The following DNM2 variants were observed in gnomAD, a reference collection of about 807,000 sequenced individuals.
DNM2 encodes dynamin 2.
DNM2 carries 15 observed loss-of-function variants against 99.0 expected under a neutral mutation model. The observed-to-expected ratio is 0.15, with a 90% CI of 0.10 to 0.23. DNM2 has a LOEUF of 0.23. Among genes scored for constraint, DNM2 ranks in the 10% least tolerant of loss-of-function variants. DNM2 has a pLI of 1.00. For missense variants in DNM2, 742 were observed against 1,189.4 expected (o/e 0.62, Z 5.53); for synonymous variants, 525 against 481.2 (o/e 1.09, Z -1.19).
At position 10,732,423 on chromosome 19, in the gene DNM2, A is replaced by ACCCC. The variant is rs948911237; in HGVS notation, c.161+14021_161+14024dup. Among the ~76,000 whole-genome samples, 42 of 150,040 alleles carry ACCCC rather than the reference A, an allele frequency of 2.8e-4. 1 individual carries two copies. Among genetic ancestry groups the ACCCC allele is most frequent in the Admixed American group, 2.0e-4 (3 of 15,052 alleles). ...AGACCATCCTGACTAACACGGTGAA[A>ACCCC]CCCCACCTCTACTAAAAATACAAAG... On this transcript the variant is annotated intron_variant, in intron 1 of 20. Coordinates refer to ENST00000389253, the MANE Select transcript of DNM2 (RefSeq NM_001005361.3).
rs886054139 is a variant in DNM2, at chr19:10,718,121, G to A, written c.-122G>A. 2 of 1,125,550 alleles carry A rather than the reference G, an allele frequency of 1.8e-6. No individual in the cohort carries two copies. The highest frequency in any genetic ancestry group is 3.5e-5 in the East Asian group (1 of 28,850). 69.7% of individuals were successfully genotyped at this position (1,125,550 alleles called of 1,614,324 possible). ...GCGACCGTGAGGCCGAGCCGGGAGC[G>A]GGCGTCTTGCCGAGGCCCGGGCGGG... On this transcript the variant is annotated 5_prime_UTR_variant, in exon 1 of 21. Transcript: ENST00000389253.
chr19:10,721,362 G>A (rs1599409695), intron 1 of DNM2, among the ~76,000 whole-genome samples: 1 of 152,082 alleles, frequency 6.6e-6, no homozygotes, highest in African/African-American at 2.4e-5. Flanking sequence ...TCACCATGTT[G>A]GCCAGGCTGG....
At position 10,783,696 on chromosome 19, in the gene DNM2, A is replaced by ATTT. The variant is rs1373476449; in HGVS notation, c.849+578_849+579insTTT. On this transcript the variant is annotated intron_variant, in intron 6 of 20. Transcript: ENST00000389253. ...TTTATTTATTATTATTATTATTATT[A>ATTT]TTATTATTATTTTTTATTTTTGGAG... Among the ~76,000 whole-genome samples, 361 of 134,432 alleles carry ATTT rather than the reference A, an allele frequency of 2.7e-3. 3 individuals carry two copies. The highest frequency in any genetic ancestry group is 8.5e-3 in the African/African-American group (320 of 37,776). The allele number at this position is 134,432 out of a possible 152,430, so 88.2% of individuals were successfully genotyped here.
intron 6 of DNM2, chr19:10,786,318 T>C: frequency 1.7e-6 from 1 of 597,252 alleles, no homozygotes; most frequent in Non-Finnish European, 3.0e-6. Flanking sequence ...ATAGGCCCAG[T>C]GCCTGATGTC....
At chr19:10,719,448 G>A (rs1231695598) in intron 1 of DNM2, among the ~76,000 whole-genome samples, 1 of 152,124 alleles carries the variant, frequency 6.6e-6, no homozygotes, top group Non-Finnish European at 1.5e-5. Flanking sequence ...AGTGGCTAGC[G>A]CTGGGATGTA....
At chr19:10,720,162 C>CT (rs1413944177) in intron 1 of DNM2, among the ~76,000 whole-genome samples, 3 of 151,634 alleles carry the variant, frequency 2.0e-5, no homozygotes, top group Non-Finnish European at 4.4e-5. Flanking sequence ...CTTGGCCTCT[C>CT]TAAGTCTTGG....
At chr19:10,828,161 C>T (rs1267348974) in intron 18 of DNM2, among the ~76,000 whole-genome samples, 2 of 152,034 alleles carry the variant, frequency 1.3e-5, no homozygotes, top group Non-Finnish European at 2.9e-5. Flanking sequence ...TTGGGGGGCA[C>T]GCCTGTAGTC....
intron 2 of DNM2, among the ~76,000 whole-genome samples, chr19:10,766,343 T>C (rs1485601539): frequency 6.6e-6 from 1 of 152,092 alleles, no homozygotes; most frequent in Non-Finnish European, 1.5e-5. Flanking sequence ...AACAGGAGGC[T>C]CCGAAGACCT....
intron 1 of DNM2, among the ~76,000 whole-genome samples, chr19:10,732,595 G>A (rs956325592): frequency 2.0e-5 from 3 of 151,590 alleles, no homozygotes; most frequent in African/African-American, 7.3e-5. Flanking sequence ...GCGAGACTCC[G>A]TCTCAAAAAA....
At chr19:10,784,819 A>ATTTTTTTTTTTTTTT (rs35575438) in intron 6 of DNM2, among the ~76,000 whole-genome samples, 1 of 99,464 alleles carries the variant, frequency 1.0e-5, no homozygotes. Context: ...TTTTTTGATG[A>ATTTTTTTTTTTTTTT]TTTTTTTTTT....
chr19:10,720,522 C>A (rs142833785), intron 1 of DNM2, among the ~76,000 whole-genome samples: 1 of 151,912 alleles, frequency 6.6e-6, no homozygotes, highest in Non-Finnish European at 1.5e-5. Context: ...CCCAGGAGTT[C>A]CAAGACCAGC....
chr19:10,787,332 G>A (rs536597740), intron 7 of DNM2, among the ~76,000 whole-genome samples: 42 of 152,192 alleles, frequency 2.8e-4, no homozygotes, highest in African/African-American at 8.2e-4. Flanking sequence ...CTAGCCAGGC[G>A]TGGTGGTGGG....
chr19:10,747,865 G>A (rs1431199500), intron 1 of DNM2, among the ~76,000 whole-genome samples: 1 of 152,100 alleles, frequency 6.6e-6, no homozygotes, highest in East Asian at 1.9e-4. Context: ...GCTTCCTATG[G>A]CGGGGGGAGG....
intron 1 of DNM2, among the ~76,000 whole-genome samples, chr19:10,740,860 A>G (rs994785713): frequency 5.9e-5 from 9 of 152,098 alleles, no homozygotes; most frequent in Non-Finnish European, 1.2e-4. Context: ...GTTCATTTCT[A>G]TATATTTGAG....
intron 3 of DNM2, among the ~76,000 whole-genome samples, chr19:10,773,449 ATTTT>A (rs71164121): frequency 8.0e-6 from 1 of 124,412 alleles, no homozygotes; most frequent in Non-Finnish European, 1.7e-5. Context: ...GCCCGGCCAA[ATTTT>A]TTTTTTTTTT....
intron 10 of DNM2, among the ~76,000 whole-genome samples, chr19:10,797,745 C>T (rs1054672202): frequency 3.9e-5 from 6 of 152,168 alleles, no homozygotes; most frequent in Non-Finnish European, 7.4e-5. Flanking sequence ...TGTTGCCAAA[C>T]GCATTGCATT....
At chr19:10,745,382 A>G (rs1247902157) in intron 1 of DNM2, among the ~76,000 whole-genome samples, 1 of 152,206 alleles carries the variant, frequency 6.6e-6, no homozygotes, top group Non-Finnish European at 1.5e-5. Context: ...GTGCTGGGGA[A>G]AGGGCGCTTA....
intron 6 of DNM2, among the ~76,000 whole-genome samples, chr19:10,784,097 G>A (rs961607638): frequency 6.6e-6 from 1 of 152,154 alleles, no homozygotes; most frequent in African/African-American, 2.4e-5. Flanking sequence ...GCAGGGGCAA[G>A]ACGCTCCTCC....
rs759849283 is a variant in DNM2, at chr19:10,811,894, C to T, written c.1558-370C>T. ...CCTAGCCCTCTGTGTGGATGCTACC[C>T]TTGGAACCTTATCTCACGCAAACAA... On this transcript the variant is annotated intron_variant, in intron 14 of 20. Transcript: ENST00000389253. This position sits in a 1 kb window ranked among gnomAD's most constrained non-coding sequence, Gnocchi z 5.4. 2 of 472,250 alleles carry T rather than the reference C, an allele frequency of 4.2e-6. No individual in the cohort carries two copies. The highest frequency in any genetic ancestry group is 2.3e-5 in the Admixed American group (1 of 43,856). 29.3% of individuals were successfully genotyped at this position (472,250 alleles called of 1,614,324 possible). A position where few individuals can be genotyped will look rare whatever the true frequency, so the allele number is the denominator to read the frequency against.
Sources: allele counts gnomAD v4.1 joint callset (sites outside exome capture counted in the v4.1 genomes callset), GRCh38; gene constraint gnomAD v4.1.1; non-coding constraint Gnocchi (gnomAD v3.1); transcripts MANE v1.5; gene names NCBI Gene and HGNC (gene_info 2026-07-23, HGNC 2026-07-21).